Variants in PCBP3 observed in about 807,000 individuals in gnomAD.
PCBP3 encodes poly(rC) binding protein 3.
In PCBP3, 25 loss-of-function variants were observed where a neutral mutation model predicts 52.7. The observed-to-expected ratio is 0.47, with a 90% CI of 0.35 to 0.66. The LOEUF (loss-of-function observed/expected upper bound fraction) is 0.66, where lower values mean the gene tolerates loss of function less well. Among genes scored for constraint, PCBP3 ranks in the 30% least tolerant of loss-of-function variants. The probability of loss-of-function intolerance (pLI) is 0.01; values close to 1 mark genes in which losing one functional copy is unlikely to be tolerated. For missense variants in PCBP3, 391 were observed against 490.3 expected, an observed-to-expected ratio of 0.80 and a Z score of 1.91; for synonymous variants, 162 against 183.0, an observed-to-expected ratio of 0.89 and a Z score of 0.93.
chr21:45,850,001 C>A lies in PCBP3; in HGVS notation c.-85C>A. 1 of 1,279,770 alleles carries A rather than the reference C, an allele frequency of 7.8e-7. No homozygotes were observed. The highest frequency in any genetic ancestry group is 1.1e-6 in the Non-Finnish European group (1 of 899,014). 79.3% of individuals were successfully genotyped at this position (1,279,770 alleles called of 1,614,324 possible). A position where few individuals can be genotyped will look rare whatever the true frequency, so the allele number is the denominator to read the frequency against. Reference sequence around the variant, plus strand: ...GACAAAAGTCAACCCTTCTGTAAATCACCTGCTGTGGTTATGATGCTCTGA... The same window carrying A: ...GACAAAAGTCAACCCTTCTGTAAATAACCTGCTGTGGTTATGATGCTCTGA... On this transcript the variant is annotated 5_prime_UTR_variant, in exon 5 of 18. It introduces an in-frame stop codon into an upstream open reading frame of the 5' UTR. Transcript: ENST00000681687.
rs1453263648 is a variant in PCBP3, at chr21:45,805,883, G to A, written c.-125-44078G>A. On this transcript the variant is annotated intron_variant, in intron 4 of 17. Coordinates refer to ENST00000681687, the MANE Select transcript of PCBP3 (RefSeq NM_001384156.1). This position sits in a 1 kb window ranked among gnomAD's most constrained non-coding sequence, Gnocchi z 4.6. ...CGGATGGTCCTGAGGAAAGGAGGGC[G>A]AGAGCAGAGCTGGGGGGGCGGGCCA... 6.6e-6 allele frequency among the ~76,000 whole-genome samples: 1 copy of A among 152,120 alleles called. No homozygotes were observed. The highest frequency in any genetic ancestry group is 6.5e-5 in the Admixed American group (1 of 15,274).
chr21:45,785,059 G>A (rs1347749924), intron 4 of PCBP3, among the ~76,000 whole-genome samples: 3 of 151,242 alleles, frequency 2.0e-5, no homozygotes, highest in African/African-American at 2.4e-5. Context: ...TGTGGGGAGC[G>A]CCTCTGCCCT....
rs145982548 is a variant in PCBP3 at position 45,823,130 on chromosome 21, A to G, written c.-125-26831A>G. Among the ~76,000 whole-genome samples the G allele has an allele frequency of 5.3e-3, 800 of 152,288 alleles. 7 individuals are homozygous for G. Among genetic ancestry groups the G allele is most frequent in the African/African-American group, 0.018 (757 of 41,548 alleles). ...AGGACTCACATTGACGTAGTGGGTGAGATTAGAATTAGACTTTTTAACTTT... is the reference window on the plus strand; with the variant it reads ...AGGACTCACATTGACGTAGTGGGTGGGATTAGAATTAGACTTTTTAACTTT... On this transcript the variant is annotated intron_variant, in intron 4 of 17. Coordinates refer to ENST00000681687, the MANE Select transcript of PCBP3 (RefSeq NM_001384156.1).
chr21:45,737,583 T>C lies in PCBP3; in HGVS notation c.-162+2154T>C, dbSNP rs1435259723. On this transcript the variant is annotated intron_variant, in intron 3 of 17. Transcript: ENST00000681687. This position sits in a 1 kb window ranked among gnomAD's most constrained non-coding sequence, Gnocchi z 4.9. ...GGGGCGAGCCCGACCATGCAAGCCA[T>C]GCCCCGGCAGCCAGGCTGAGAGGCA... 6.6e-6 allele frequency among the ~76,000 whole-genome samples: 1 copy of C among 152,186 alleles called. No homozygotes were observed. Among genetic ancestry groups the C allele is most frequent in the Non-Finnish European group, 1.5e-5 (1 of 68,024 alleles).
intron 2 of PCBP3, among the ~76,000 whole-genome samples, chr21:45,705,853 G>A (rs1191573718): frequency 2.0e-5 from 3 of 152,178 alleles, no homozygotes; most frequent in Non-Finnish European, 4.4e-5. Context: ...CAGGAGGCAG[G>A]AATAAAATAC....
At chr21:45,937,970 G>A (rs554212179) in intron 16 of PCBP3, among the ~76,000 whole-genome samples, 21 of 152,376 alleles carry the variant, frequency 1.4e-4, no homozygotes, top group African/African-American at 5.0e-4. Context: ...GAGGGGAAAG[G>A]CCTGTGGCAA....
intron 4 of PCBP3, chr21:45,762,277 G>A (rs559849536): frequency 6.6e-6 from 1 of 152,356 alleles, no homozygotes; most frequent in Admixed American, 6.5e-5. Flanking sequence ...AGGGCTGCGT[G>A]CGTGTCTGTG....
intron 11 of PCBP3, among the ~76,000 whole-genome samples, chr21:45,912,452 C>T (rs891015739): frequency 6.6e-6 from 1 of 152,202 alleles, no homozygotes; most frequent in Non-Finnish European, 1.5e-5. Context: ...GATTGGAGGA[C>T]TTCTGGGCTT....
At chr21:45,746,864 G>C in intron 3 of PCBP3, among the ~76,000 whole-genome samples, 1 of 82,384 alleles carries the variant, frequency 1.2e-5, no homozygotes, top group Non-Finnish European at 2.3e-5. Flanking sequence ...ACACGGTGTT[G>C]TGTCAGCATC....
In PCBP3 at chr21:45,791,629, T is replaced by A. The variant is rs2091582490; in HGVS notation, c.-126+36177T>A. ...CCGCCAACAACTTTCTTTTTCCAGT[T>A]GGTGGCAGTCATAAGTTAATTTCTG... is the stretch of plus-strand genomic sequence containing the variant. On this transcript the variant is annotated intron_variant, in intron 4 of 17. Transcript: ENST00000681687. The surrounding 1 kb of genome is among the most constrained non-coding windows in gnomAD (Gnocchi z 4.2). Among the ~76,000 whole-genome samples, 1 of 152,206 alleles carries A rather than the reference T, an allele frequency of 6.6e-6. No individual in the cohort carries two copies. Among genetic ancestry groups the A allele is most frequent in the Non-Finnish European group, 1.5e-5 (1 of 68,030 alleles).
At chr21:45,776,527 C>T (rs559275373) in intron 4 of PCBP3, among the ~76,000 whole-genome samples, 2 of 150,700 alleles carry the variant, frequency 1.3e-5, no homozygotes, top group African/African-American at 4.9e-5. Context: ...GTAATGTTTG[C>T]TTTATGAATC....
At chr21:45,862,866 G>A (rs761848280) in intron 5 of PCBP3, among the ~76,000 whole-genome samples, 2 of 152,190 alleles carry the variant, frequency 1.3e-5, no homozygotes, top group African/African-American at 4.8e-5. Flanking sequence ...GTAACATGGT[G>A]GGATCAAGGT....
intron 6 of PCBP3, among the ~76,000 whole-genome samples, chr21:45,898,875 G>A (rs1165591361): frequency 3.7e-5 from 3 of 81,830 alleles, no homozygotes; most frequent in Non-Finnish European, 6.9e-5. Flanking sequence ...CCCTCTGCAC[G>A]CCGTCCTCAC....
intron 13 of PCBP3, among the ~76,000 whole-genome samples, chr21:45,923,015 G>C (rs2074674427): frequency 6.6e-6 from 1 of 152,268 alleles, no homozygotes; most frequent in Non-Finnish European, 1.5e-5. Flanking sequence ...GGCACGACCA[G>C]ATCCTGTGCT....
intron 4 of PCBP3, among the ~76,000 whole-genome samples, chr21:45,816,235 A>G (rs1435078869): frequency 6.6e-6 from 1 of 152,074 alleles, no homozygotes; most frequent in Non-Finnish European, 1.5e-5. Flanking sequence ...AATTTATGAT[A>G]TAACAAAATT....
chr21:45,931,336 G>A (rs566660413), intron 15 of PCBP3, among the ~76,000 whole-genome samples: 27 of 152,228 alleles, frequency 1.8e-4, no homozygotes, highest in Non-Finnish European at 2.9e-4. Context: ...TGCCACACAC[G>A]CACCACACCT....
intron 2 of PCBP3, among the ~76,000 whole-genome samples, chr21:45,681,048 G>A (rs547313600): frequency 5.9e-5 from 9 of 152,254 alleles, no homozygotes; most frequent in African/African-American, 9.6e-5. Context: ...CTTACATGGC[G>A]GAAGGCAGAG....
At chr21:45,749,616 G>C (rs1459752679) in intron 3 of PCBP3, 1 of 152,184 alleles carries the variant, frequency 6.6e-6, no homozygotes, top group African/African-American at 2.4e-5. Flanking sequence ...GAGCTACTTG[G>C]TTATATTTAA....
intron 3 of PCBP3, chr21:45,752,899 G>A (rs770101179): frequency 2.1e-5 from 3 of 144,924 alleles, no homozygotes; most frequent in Non-Finnish European, 3.0e-5. Flanking sequence ...TTGGGAGGCT[G>A]AAGATGAGAG....
Sources: allele counts gnomAD v4.1 joint callset (sites outside exome capture counted in the v4.1 genomes callset), GRCh38; gene constraint gnomAD v4.1.1; non-coding constraint Gnocchi (gnomAD v3.1); transcripts MANE v1.5; gene names NCBI Gene and HGNC (gene_info 2026-07-23, HGNC 2026-07-21).